JPH1: variants seen among roughly 807,000 people sequenced by gnomAD.
JPH1 encodes the protein junctophilin 1, also known as junctophilin-1.
A neutral mutation model predicts 53.6 loss-of-function variants in JPH1; 12 were observed. The ratio of observed to expected loss-of-function variants is 0.22; its 90% CI spans 0.14 to 0.36. The LOEUF is 0.36. Among genes scored for constraint, JPH1 ranks in the 10% least tolerant of loss-of-function variants. The pLI, the probability that JPH1 is intolerant of heterozygous loss-of-function variation, is 1.00. For synonymous variants in JPH1, 375 were observed against 363.8 expected (o/e 1.03, Z -0.35); for missense variants, 808 against 905.5 (o/e 0.89, Z 1.38).
At chr8:74,238,976 C>T (rs567920754) in intron 4 of JPH1, among the ~76,000 whole-genome samples, 8 of 152,050 alleles carry the variant, frequency 5.3e-5, no homozygotes, top group South Asian at 2.1e-4. Context: ...GGTTGTTAAA[C>T]GAAATGGATT....
intron 2 of JPH1, among the ~76,000 whole-genome samples, chr8:74,265,287 G>C (rs184612063): frequency 6.6e-6 from 1 of 152,174 alleles, no homozygotes; most frequent in East Asian, 1.9e-4. Context: ...ATTTCTTTTT[G>C]TCCATCACCA....
Position 74,321,389 on chromosome 8 carries a change from A to C in JPH1, c.-102T>G. The C allele has an allele frequency of 2.5e-6, 3 of 1,204,222 alleles. No individual in the cohort carries two copies. In the East Asian group the frequency reaches 9.2e-5, roughly 37 times the overall value. 74.6% of individuals were successfully genotyped at this position (1,204,222 alleles called of 1,614,324 possible). Reference sequence around the variant, plus strand: ...GGGTGGGGGCCCGGCGGGCGAGCTCACGACAGCGCCCTGGGCAGCTCGCGC... The same window carrying C: ...GGGTGGGGGCCCGGCGGGCGAGCTCCCGACAGCGCCCTGGGCAGCTCGCGC... On this transcript the variant is annotated 5_prime_UTR_variant, in exon 1 of 6. Coordinates refer to ENST00000342232, the MANE Select transcript of JPH1 (RefSeq NM_020647.4). The surrounding 1 kb of genome is among the most constrained non-coding windows in gnomAD (Gnocchi z 4.3).
chr8:74,239,059 TC>T (rs1805620704), intron 4 of JPH1, among the ~76,000 whole-genome samples: 1 of 151,760 alleles, frequency 6.6e-6, no homozygotes, highest in African/African-American at 2.4e-5. Context: ...TAAACATGAG[TC>T]CCCTTTAAGT....
At chr8:74,301,057 T>C (rs149161615) in intron 2 of JPH1, among the ~76,000 whole-genome samples, 44 of 152,312 alleles carry the variant, frequency 2.9e-4, no homozygotes, top group African/African-American at 1.1e-3. Flanking sequence ...ATAGGGGTAT[T>C]AGAGTATCAT....
chr8:74,246,954 C>T (rs1324890138), intron 3 of JPH1, among the ~76,000 whole-genome samples: 2 of 152,190 alleles, frequency 1.3e-5, no homozygotes, highest in Non-Finnish European at 2.9e-5. Context: ...AAAGCAGCAA[C>T]TGCAAGCATT....
At chr8:74,313,469 TATATA>T (rs1471555377) in intron 2 of JPH1, among the ~76,000 whole-genome samples, 2 of 151,640 alleles carry the variant, frequency 1.3e-5, no homozygotes, top group Admixed American at 6.6e-5. Context: ...AGACTTTTAA[TATATA>T]ATATAATATA....
At chr8:74,255,678 T>A (rs995267825) in intron 3 of JPH1, among the ~76,000 whole-genome samples, 2 of 151,894 alleles carry the variant, frequency 1.3e-5, no homozygotes, top group African/African-American at 4.8e-5. Context: ...GAATCTACAA[T>A]GAACTCAAAC....
chr8:74,312,723 C>T (rs1409319391), intron 2 of JPH1, among the ~76,000 whole-genome samples: 1 of 152,154 alleles, frequency 6.6e-6, no homozygotes, highest in African/African-American at 2.4e-5. Flanking sequence ...CTCTATGTTT[C>T]TATGAGTTTG....
At chr8:74,273,745 C>T (rs543150469) in intron 2 of JPH1, among the ~76,000 whole-genome samples, 4 of 152,206 alleles carry the variant, frequency 2.6e-5, no homozygotes, top group East Asian at 3.9e-4. Context: ...TTCAGTAACC[C>T]GATTTTATTT....
intron 3 of JPH1, 82 bp from the exon 4 acceptor site, chr8:74,245,257 C>G: frequency 8.3e-7 from 1 of 1,206,262 alleles, no homozygotes; most frequent in Non-Finnish European, 1.1e-6. Flanking sequence ...AACCTTTTCT[C>G]TTTTAAAAAT....
chr8:74,240,101 A>G (rs1188312982), intron 4 of JPH1, among the ~76,000 whole-genome samples: 7 of 151,916 alleles, frequency 4.6e-5, no homozygotes, highest in Non-Finnish European at 1.0e-4. Context: ...CCTCCCGAGT[A>G]GCTGGGACTA....
chr8:74,311,257 A>G (rs967292136), intron 2 of JPH1, among the ~76,000 whole-genome samples: 9 of 152,192 alleles, frequency 5.9e-5, no homozygotes, highest in African/African-American at 2.2e-4. Context: ...CAAGAGACTT[A>G]GTTTCTAGTT....
chr8:74,280,201 T>C (rs931527384), intron 2 of JPH1, among the ~76,000 whole-genome samples: 1 of 152,242 alleles, frequency 6.6e-6, no homozygotes, highest in African/African-American at 2.4e-5. Context: ...TTATGTATAT[T>C]AACATAACAC....
Position 74,315,306 on chromosome 8 carries a change from T to C in JPH1, c.694A>G (p.Ile232Val). Residue 232 changes from isoleucine to valine, a missense_variant, in exon 2 of 6, where the codon ATC becomes GTC. Ile to Val is a conservative substitution (Grantham distance 29). Coordinates refer to ENST00000342232, the MANE Select transcript of JPH1 (RefSeq NM_020647.4). The surrounding 1 kb of genome is among the most constrained non-coding windows in gnomAD (Gnocchi z 6.3). ...CGGACAGAGCTGCGCTTGCTCGAGA[T>C]GGAAGACTTGGATTCGGACTTGCGA... is the stretch of plus-strand genomic sequence containing the variant. Reference protein sequence around the residue: ...KLRKSESKSSISSKRSSVRSD... With the variant: ...KLRKSESKSSVSSKRSSVRSD... The C allele has an allele frequency of 1.9e-6, 3 of 1,613,926 alleles. No individual in the cohort carries two copies. The highest frequency in any genetic ancestry group is 2.5e-6 in the Non-Finnish European group (3 of 1,180,026).
At chr8:74,298,784 A>G (rs1807591080) in intron 2 of JPH1, among the ~76,000 whole-genome samples, 1 of 152,296 alleles carries the variant, frequency 6.6e-6, no homozygotes, top group Middle Eastern at 3.4e-3. Context: ...CAGAAATATG[A>G]GTAGTCATAC....
At chr8:74,290,223 A>G (rs1364864389) in intron 2 of JPH1, among the ~76,000 whole-genome samples, 1 of 152,232 alleles carries the variant, frequency 6.6e-6, no homozygotes, top group Non-Finnish European at 1.5e-5. Context: ...ACATGATTGT[A>G]TATTTAGAAA....
intron 2 of JPH1, among the ~76,000 whole-genome samples, chr8:74,267,044 C>A (rs1246913915): frequency 1.3e-5 from 2 of 152,220 alleles, no homozygotes; most frequent in African/African-American, 4.8e-5. Flanking sequence ...TAAAAGATAA[C>A]CCCAAGATTT....
chr8:74,288,722 A>G (rs1261109448), intron 2 of JPH1, among the ~76,000 whole-genome samples: 4 of 152,256 alleles, frequency 2.6e-5, no homozygotes, highest in Non-Finnish European at 5.9e-5. Flanking sequence ...GGTAAATACC[A>G]AGGTTGGTGC....
chr8:74,259,852 A>ATAT (rs1806342001), intron 2 of JPH1, among the ~76,000 whole-genome samples: 1 of 152,264 alleles, frequency 6.6e-6, no homozygotes, highest in African/African-American at 2.4e-5. Context: ...AAGTAGAATT[A>ATAT]GAACATATAA....
Sources: gnomAD v4.1 joint callset for allele counts (sites outside exome capture counted in the v4.1 genomes callset) on GRCh38, gnomAD v4.1.1 for gene constraint, Gnocchi (gnomAD v3.1) non-coding constraint, MANE v1.5 for transcripts, NCBI Gene and HGNC (gene_info 2026-07-23, HGNC 2026-07-21) for gene names.